The following LMF1 variants were observed in gnomAD, a reference collection of about 807,000 sequenced individuals.
LMF1 encodes the protein lipase maturation factor 1, also known as transmembrane protein 112.
In LMF1, 68 loss-of-function variants were observed where a neutral mutation model predicts 60.6. The observed-to-expected ratio is 1.12, with a 90% CI of 0.92 to 1.37. The LOEUF is 1.37. Ranked by LOEUF, LMF1 falls within the 40% of genes most tolerant of loss-of-function variation. The probability of loss-of-function intolerance (pLI) is 0.00; values close to 1 mark genes in which losing one functional copy is unlikely to be tolerated. For synonymous variants in LMF1, 418 were observed against 324.7 expected, an observed-to-expected ratio of 1.29 and a Z score of -3.09; for missense variants, 948 against 767.2, an observed-to-expected ratio of 1.24 and a Z score of -2.78.
Position 854,609 on chromosome 16 carries a change from A to AGGCTCCGATCCTCTTCC in LMF1, c.1610_1626dup (p.Tyr543GlyfsTer16), listed in dbSNP as rs756670729. 8.7e-6 allele frequency: 14 copies of AGGCTCCGATCCTCTTCC among 1,606,680 alleles called. No individual in the cohort carries two copies. In the East Asian group the frequency reaches 3.1e-4, roughly 36 times the overall value. On this transcript the variant is annotated frameshift_variant, in exon 11 of 11. Transcript: ENST00000262301. LOFTEE classifies it low-confidence loss of function (END_TRUNC). ...TCCTCCAGGCTGAGCGGAGGGAAGT[A>AGGCTCCGATCCTCTTCC]GGCTCCGATCCTCTTCCGCACCCAC... is the stretch of plus-strand genomic sequence containing the variant.
intron 2 of LMF1, among the ~76,000 whole-genome samples, chr16:938,758 G>C (rs1340482177): frequency 6.6e-6 from 1 of 152,208 alleles, no homozygotes; most frequent in Non-Finnish European, 1.5e-5. Flanking sequence ...TGGATGGACA[G>C]TGCTCCCATT....
At position 854,036 on chromosome 16, in the gene LMF1, TG is replaced by T. The variant is rs1567125297; in HGVS notation, c.*495del. The T allele has an allele frequency of 2.2e-6, 1 of 454,596 alleles. No individual in the cohort carries two copies. 28.2% of individuals were successfully genotyped at this position (454,596 alleles called of 1,614,324 possible). A position where few individuals can be genotyped will look rare whatever the true frequency, so the allele number is the denominator to read the frequency against. On this transcript the variant is annotated 3_prime_UTR_variant, in exon 11 of 11. Transcript: ENST00000262301. ...CTGGCCGGGCGTGTCCAGGTCCCTG[TG>T]GGGCGAGGGTTTGGCTGCCCCAGAC...
chr16:958,724 T>C (rs2072759152), intron 1 of LMF1, among the ~76,000 whole-genome samples: 3 of 151,982 alleles, frequency 2.0e-5, no homozygotes, highest in Non-Finnish European at 1.5e-5. Context: ...CCGTCTCTAC[T>C]AAAAATACAA....
chr16:941,263 T>C (rs187196043), intron 2 of LMF1, among the ~76,000 whole-genome samples: 1 of 152,144 alleles, frequency 6.6e-6, no homozygotes, highest in East Asian at 1.9e-4. Flanking sequence ...AGAGTCTCAC[T>C]CTGTTGCCCA....
At position 949,850 on chromosome 16, in the gene LMF1, C is replaced by A. The variant is rs373925582; in HGVS notation, c.503+4507G>T. Among the ~76,000 whole-genome samples the A allele has an allele frequency of 2.1e-5, 2 of 96,272 alleles. 1 individual carries two copies. The highest frequency in any genetic ancestry group is 2.1e-4 in the Admixed American group (2 of 9,656). The allele number at this position is 96,272 out of a possible 152,430, so 63.2% of individuals were successfully genotyped here. ...GAGACAACGACAGAGTTAGAGACAA[C>A]GACAGAGTCAGCCAAGGACAGCGTC... On this transcript the variant is annotated intron_variant, in intron 2 of 10. Transcript: ENST00000262301.
chr16:872,406 A>G (rs944163328), intron 6 of LMF1: 3 of 152,194 alleles, frequency 2.0e-5, no homozygotes, highest in African/African-American at 7.2e-5. Flanking sequence ...TGAACTGTGC[A>G]CTCATGGCTC....
chr16:977,103 G>A (rs919976409), intron 1 of LMF1: 24 of 453,984 alleles, frequency 5.3e-5, no homozygotes, highest in African/African-American at 3.0e-4. Context: ...CCTGCAAGGT[G>A]CCAAGAAAGA....
At chr16:883,493 T>C (rs1052727685) in intron 5 of LMF1, among the ~76,000 whole-genome samples, 9 of 152,190 alleles carry the variant, frequency 5.9e-5, no homozygotes, top group African/African-American at 2.2e-4. Context: ...CAAACAGTGT[T>C]GAACTCTGAT....
At position 878,517 on chromosome 16, in the gene LMF1, C is replaced by T. The variant is rs2070060862; in HGVS notation, c.897+1053G>A. ...CCTTGAAAATACATCCACAGGATGA[C>T]GAGATTGCACCTCTGCACGGCAGGC... On this transcript the variant is annotated intron_variant, in intron 6 of 10. Coordinates refer to ENST00000262301, the MANE Select transcript of LMF1 (RefSeq NM_022773.4). The surrounding 1 kb of genome is among the most constrained non-coding windows in gnomAD (Gnocchi z 5.2). Among the ~76,000 whole-genome samples the T allele has an allele frequency of 6.6e-6, 1 of 152,194 alleles. No individual in the cohort carries two copies. The highest frequency in any genetic ancestry group is 1.5e-5 in the Non-Finnish European group (1 of 68,030).
rs752292990 is a variant in LMF1 at position 869,999 on chromosome 16, C to T, written c.1300G>A (p.Ala434Thr). 2.5e-6 allele frequency: 4 copies of T among 1,613,052 alleles called. No individual in the cohort carries two copies. Among genetic ancestry groups the T allele is most frequent in the South Asian group, 1.1e-5 (1 of 91,088 alleles). The change falls in exon 9 of 11, where the codon GCC (alanine) becomes ACC (threonine). Residue 434 changes from alanine to threonine, a missense_variant. Ala to Thr is a moderately conservative substitution (Grantham distance 58). Coordinates refer to ENST00000262301, the MANE Select transcript of LMF1 (RefSeq NM_022773.4). ...TASSNASAPDAMWEDYEFKCK... is the reference protein window; with the variant it reads ...TASSNASAPDTMWEDYEFKCK... Reference sequence around the variant, plus strand: ...TTGAACTCGTAGTCCTCCCACATGGCATCGGGGGCGCTGGCGTTGGAGCTG... The same window carrying T: ...TTGAACTCGTAGTCCTCCCACATGGTATCGGGGGCGCTGGCGTTGGAGCTG...
At chr16:917,756 G>A (rs2071322434) in intron 3 of LMF1, among the ~76,000 whole-genome samples, 1 of 152,184 alleles carries the variant, frequency 6.6e-6, no homozygotes, top group African/African-American at 2.4e-5. Flanking sequence ...CAGGAGTACT[G>A]CTGTGCTCGC....
At chr16:938,505 C>T (rs2072006805) in intron 2 of LMF1, among the ~76,000 whole-genome samples, 2 of 152,236 alleles carry the variant, frequency 1.3e-5, no homozygotes, top group Admixed American at 6.5e-5. Flanking sequence ...AACTGGTTCA[C>T]TGAAGACATG....
chr16:922,458 T>C (rs115543949), intron 3 of LMF1, among the ~76,000 whole-genome samples: 16,309 of 149,298 alleles, frequency 0.11, 1,147 homozygotes, highest in Non-Finnish European at 0.15. Context: ...CCACCTAACG[T>C]GGCCAGCCCT....
intron 3 of LMF1, among the ~76,000 whole-genome samples, chr16:922,737 T>C (rs867878882): frequency 2.0e-5 from 2 of 101,596 alleles, no homozygotes; most frequent in African/African-American, 3.9e-5. Flanking sequence ...TCGGGTGTGA[T>C]GTGGTGTTGG....
chr16:956,582 G>A (rs897056554), intron 1 of LMF1, among the ~76,000 whole-genome samples: 3 of 152,188 alleles, frequency 2.0e-5, no homozygotes. Context: ...GGTGGCTCAC[G>A]CCTGTAATCC....
chr16:909,050 AC>A (rs914789187), intron 4 of LMF1, among the ~76,000 whole-genome samples: 2 of 151,778 alleles, frequency 1.3e-5, no homozygotes, highest in African/African-American at 4.8e-5. Flanking sequence ...GCCTGCAGTG[AC>A]CCCTCCCAAC....
chr16:951,582 G>A (rs567608995), intron 2 of LMF1, among the ~76,000 whole-genome samples: 2 of 152,214 alleles, frequency 1.3e-5, no homozygotes, highest in Non-Finnish European at 2.9e-5. Context: ...CAAACCCCCA[G>A]ATGTTTAAAT....
At chr16:977,504 C>G (rs2073182424) in intron 1 of LMF1, among the ~76,000 whole-genome samples, 1 of 152,202 alleles carries the variant, frequency 6.6e-6, no homozygotes, top group African/African-American at 2.4e-5. Context: ...CAGGCCGTGC[C>G]AGGACGCTGC....
intron 4 of LMF1, chr16:900,679 T>TTGTGTG (rs1415329144): frequency 5.5e-5 from 6 of 108,672 alleles, no homozygotes; most frequent in African/African-American, 1.0e-4. Flanking sequence ...CTGCTAATTT[T>TTGTGTG]TATGTGTGTG....
Sources: allele counts gnomAD v4.1 joint callset (sites outside exome capture counted in the v4.1 genomes callset), GRCh38; gene constraint gnomAD v4.1.1; non-coding constraint Gnocchi (gnomAD v3.1); transcripts MANE v1.5; gene names NCBI Gene and HGNC (gene_info 2026-07-23, HGNC 2026-07-21).